Variants in ACBD5 observed in about 807,000 individuals in gnomAD.
ACBD5 encodes acyl-CoA binding domain containing 5, also known as acyl-CoA-binding domain-containing protein 5.
Under a neutral mutation model 71.8 loss-of-function variants are expected in ACBD5, and 40 were observed. The observed-to-expected ratio is 0.56, with a 90% CI of 0.43 to 0.72. The LOEUF is 0.72. Among genes scored for constraint, ACBD5 ranks in the 30% least tolerant of loss-of-function variants. ACBD5 has a pLI of 0.00. For synonymous variants in ACBD5, 229 were observed against 218.6 expected, an observed-to-expected ratio of 1.05 and a Z score of -0.42; for missense variants, 559 against 644.5, an observed-to-expected ratio of 0.87 and a Z score of 1.44.
rs2065341675 is a variant in ACBD5 at position 27,240,458 on chromosome 10, C to T, written c.42G>A (p.Trp14Ter). 2 of 1,613,168 alleles carry T rather than the reference C, an allele frequency of 1.2e-6. No homozygotes were observed. Among genetic ancestry groups the T allele is most frequent in the Admixed American group, 3.3e-5 (2 of 59,852 alleles). ...CGGCGGGAATCAGGCAGCAGCAGCA[C>T]CAGCTTTCCCAAGAGCCTGCATGAA... ...LSFHAGSWES[W>*]CCCCLIPADR... The change falls in exon 2 of 13, where the codon TGG (tryptophan) becomes TGA (stop). Residue 14 changes from tryptophan (W) to a stop codon, truncating the protein, a stop_gained. Coordinates refer to ENST00000396271, the MANE Select transcript of ACBD5 (RefSeq NM_145698.5). LOFTEE classifies it high-confidence loss of function. This position sits in a 1 kb window ranked among gnomAD's most constrained non-coding sequence, Gnocchi z 4.1.
chr10:27,186,706 T>C (rs932508454), intron 13 of ACBD5: 4 of 649,616 alleles, frequency 6.2e-6, no homozygotes, highest in Admixed American at 2.7e-5. Context: ...GAAAGGAATA[T>C]AGTCAGTAAT....
At chr10:27,223,136 G>A (rs141625589) in intron 5 of ACBD5, 2 of 709,698 alleles carry the variant, frequency 2.8e-6, no homozygotes, top group African/African-American at 3.5e-5. Flanking sequence ...TGTAAGTTCT[G>A]TAAGTTTGTG....
At position 27,240,750 on chromosome 10, in the gene ACBD5, G is replaced by T. The variant is rs1324110925; in HGVS notation, c.-62C>A. 1.9e-6 allele frequency: 3 copies of T among 1,549,854 alleles called. No individual in the cohort carries two copies. In the South Asian group the frequency reaches 3.6e-5, roughly 18 times the overall value. Reference sequence around the variant, plus strand: ...GCCGCGGAGCCGCTCTCCCACCCTGGGGACCCTGGCGGAGCAGCCACACCC... The same window carrying T: ...GCCGCGGAGCCGCTCTCCCACCCTGTGGACCCTGGCGGAGCAGCCACACCC... On this transcript the variant is annotated 5_prime_UTR_variant, in exon 1 of 13. Coordinates refer to ENST00000396271, the MANE Select transcript of ACBD5 (RefSeq NM_145698.5). This position sits in a 1 kb window ranked among gnomAD's most constrained non-coding sequence, Gnocchi z 4.1.
chr10:27,191,735 A>C (rs2059087257), downstream of ACBD5, among the ~76,000 whole-genome samples: 1 of 152,262 alleles, frequency 6.6e-6, no homozygotes, highest in East Asian at 1.9e-4. Flanking sequence ...AATACAAAAA[A>C]TTAGCTGGGT....
intron 3 of ACBD5, among the ~76,000 whole-genome samples, chr10:27,234,225 A>G (rs1422174726): frequency 6.6e-6 from 1 of 152,142 alleles, no homozygotes; most frequent in East Asian, 1.9e-4. Flanking sequence ...TAATTCTTTT[A>G]GTTTATAGTT....
rs1328557407 is a variant in ACBD5 at position 27,205,189 on chromosome 10, A to T, written c.1455+9T>A. 1 of 1,611,618 alleles carries T rather than the reference A, an allele frequency of 6.2e-7. No homozygotes were observed. Among genetic ancestry groups the T allele is most frequent in the Non-Finnish European group, 8.5e-7 (1 of 1,178,514 alleles). On this transcript the variant is annotated intron_variant, in intron 11 of 12. Transcript: ENST00000396271. Reference sequence around the variant, plus strand: ...CCCTGGCATTTAAATTTTTTAAAAAATGTCTTACCTGTGAGGTGGGCTGAG... The same window carrying T: ...CCCTGGCATTTAAATTTTTTAAAAATTGTCTTACCTGTGAGGTGGGCTGAG...
chr10:27,241,006 C>T, upstream of ACBD5: 1 of 534,088 alleles, frequency 1.9e-6, no homozygotes, highest in Non-Finnish European at 3.4e-6. Context: ...GCACACTGTG[C>T]GCGCTTTTGT....
intron 13 of ACBD5, among the ~76,000 whole-genome samples, chr10:27,183,488 T>C (rs929369238): frequency 3.3e-5 from 5 of 152,126 alleles, no homozygotes; most frequent in Admixed American, 3.3e-4. Context: ...TTTCACCATG[T>C]TGGCCAGGAT....
intron 2 of ACBD5, among the ~76,000 whole-genome samples, chr10:27,237,948 A>AT (rs1335194341): frequency 1.5e-4 from 22 of 148,790 alleles, no homozygotes; most frequent in Admixed American, 3.4e-4. Flanking sequence ...ATTTAATTTA[A>AT]TTTAATTTTA....
rs2065325952 is a variant in ACBD5, at chr10:27,240,349, C to A, written c.151G>T (p.Val51Leu). 2 of 1,613,960 alleles carry A rather than the reference C, an allele frequency of 1.2e-6. No individual in the cohort carries two copies. The highest frequency in any genetic ancestry group is 3.3e-5 in the Admixed American group (2 of 59,982). The change falls in exon 2 of 13, where the codon GTG becomes TTG. Residue 51 changes from valine to leucine, a missense_variant. Physicochemically the swap from Val to Leu is conservative, Grantham distance 32. Transcript: ENST00000396271. The surrounding 1 kb of genome is among the most constrained non-coding windows in gnomAD (Gnocchi z 4.1). The stretch of plus-strand genomic sequence containing the variant: ...TTCGGCAAACTCTGGATCACCTTCA[C>A]GGCCGCCTCAAACCTAGTCTCGTGC... ...SVHETRFEAA[V>L]KVIQSLPKNG...
In ACBD5 at chr10:27,240,582, C is replaced by T. The variant is rs1449160449; in HGVS notation, c.15+92G>A. On this transcript the variant is annotated intron_variant, in intron 1 of 12. Transcript: ENST00000396271. The surrounding 1 kb of genome is among the most constrained non-coding windows in gnomAD (Gnocchi z 4.1). ...CCCCTTTGCCCTGCCCTATCCAGGC[C>T]ACACAGATCGAAGCGGCCCGGCTCC... 1 of 1,551,240 alleles carries T rather than the reference C, an allele frequency of 6.4e-7. No individual in the cohort carries two copies. The highest frequency in any genetic ancestry group is 8.7e-7 in the Non-Finnish European group (1 of 1,147,008).
rs1490544144 is a variant in ACBD5, at chr10:27,208,388, C to T, written c.1262G>A (p.Gly421Asp). 6.2e-7 allele frequency: 1 copy of T among 1,614,206 alleles called. No individual in the cohort carries two copies. Among genetic ancestry groups the T allele is most frequent in the East Asian group, 2.2e-5 (1 of 44,884 alleles). The part of the protein sequence containing the change: ...GTKGRQVGSG[G>D]DGERWGSDRG... The stretch of plus-strand genomic sequence containing the variant: ...GTCGGAGCCCCAGCGCTCCCCATCA[C>T]CTCCACTTCCCACCTGCCGGCCCTT... The change falls in exon 10 of 13, where the codon GGT becomes GAT. Residue 421 changes from glycine (G) to aspartate (D), a missense_variant. Physicochemically the swap from Gly to Asp is moderately conservative, Grantham distance 94 (BLOSUM62 -1). Coordinates refer to ENST00000396271, the MANE Select transcript of ACBD5 (RefSeq NM_145698.5).
rs2062105916 is a variant in ACBD5, at chr10:27,219,792, C to T, written c.556G>A (p.Asp186Asn). 1 of 1,614,126 alleles carries T rather than the reference C, an allele frequency of 6.2e-7. No homozygotes were observed. Among genetic ancestry groups the T allele is most frequent in the Non-Finnish European group, 8.5e-7 (1 of 1,180,006 alleles). Residue 186 changes from aspartate to asparagine, a missense_variant, in exon 6 of 13, where the codon GAC becomes AAC. By Grantham distance (23) the Asp-to-Asn change is conservative (BLOSUM62 1). Transcript: ENST00000396271. ...TCTTCCTCAGACTCGGCTCCACTGTCACTGCTTTCAGCTTTACCATTAACG... is the reference window on the plus strand; with the variant it reads ...TCTTCCTCAGACTCGGCTCCACTGTTACTGCTTTCAGCTTTACCATTAACG... ...KTVNGKAESS[D>N]SGAESEEEEA...
intron 13 of ACBD5, among the ~76,000 whole-genome samples, chr10:27,188,788 T>A (rs2058926187): frequency 6.6e-6 from 1 of 152,080 alleles, no homozygotes; most frequent in Non-Finnish European, 1.5e-5. Flanking sequence ...GGGAAAAACC[T>A]AAGAGGAAAG....
At chr10:27,205,079 A>T (rs2060336181) in intron 11 of ACBD5, 119 bp downstream of exon 11, 1 of 921,036 alleles carries the variant, frequency 1.1e-6, no homozygotes, top group African/African-American at 1.7e-5. Context: ...GTGAGCTGAG[A>T]TCGCACCACT....
Position 27,201,198 on chromosome 10 carries a change from G to A in ACBD5, c.1565+3242C>T, listed in dbSNP as rs141986930. On this transcript the variant is annotated intron_variant, in intron 12 of 12. Coordinates refer to ENST00000396271, the MANE Select transcript of ACBD5 (RefSeq NM_145698.5). ...ATAAATAAACAAAGTAATAGTTTAA[G>A]AGTAGTTTCTTAGACTTAACAGGTC... is the stretch of plus-strand genomic sequence containing the variant. Among the ~76,000 whole-genome samples the A allele has an allele frequency of 2.6e-3, 401 of 152,314 alleles. 2 individuals carry two copies. Among genetic ancestry groups the A allele is most frequent in the Non-Finnish European group, 4.1e-3 (282 of 68,034 alleles).
chr10:27,241,479 A>G (rs1349092843), upstream of ACBD5, among the ~76,000 whole-genome samples: 2 of 152,050 alleles, frequency 1.3e-5, no homozygotes, highest in African/African-American at 2.4e-5. Flanking sequence ...GCCGGCTCCT[A>G]AACTGGGCTG....
At chr10:27,205,144 A>G in intron 11 of ACBD5, 54 bp downstream of exon 11, 8 of 1,559,394 alleles carry the variant, frequency 5.1e-6, no homozygotes, top group Non-Finnish European at 7.0e-6. Context: ...AACAAAAACA[A>G]CAACAAAAAA....
At chr10:27,206,875 C>T (rs2060519939) in intron 10 of ACBD5, among the ~76,000 whole-genome samples, 1 of 152,068 alleles carries the variant, frequency 6.6e-6, no homozygotes, top group South Asian at 2.1e-4. Flanking sequence ...ATGAAGACAA[C>T]AAGTCCTCTC....
Sources: allele counts gnomAD v4.1 joint callset (sites outside exome capture counted in the v4.1 genomes callset), GRCh38; gene constraint gnomAD v4.1.1; non-coding constraint Gnocchi (gnomAD v3.1); transcripts MANE v1.5; gene names NCBI Gene and HGNC (gene_info 2026-07-23, HGNC 2026-07-21).